The following CACNA1E variants were observed in gnomAD, a reference collection of about 807,000 sequenced individuals.
CACNA1E encodes the protein voltage-dependent R-type calcium channel subunit alpha-1E.
A neutral mutation model predicts 259.2 loss-of-function variants in CACNA1E; 40 were observed. The observed-to-expected ratio is 0.15, with a 90% confidence interval of 0.12 to 0.20. The LOEUF is 0.20. CACNA1E is among the 10% of genes least tolerant of loss of function. The pLI is 1.00. For synonymous variants in CACNA1E, 1,104 were observed against 1,138.5 expected (o/e 0.97, Z 0.61); for missense variants, 1,874 against 3,040.1 (o/e 0.62, Z 9.02).
At chr1:181,409,738 C>A (rs1657715650) in intron 1 of CACNA1E, among the ~76,000 whole-genome samples, 1 of 152,042 alleles carries the variant, frequency 6.6e-6, no homozygotes, top group Non-Finnish European at 1.5e-5. Flanking sequence ...GGGCAACAGA[C>A]CCTCCTGGTG....
At chr1:181,385,132 A>C (rs2102012048) in intron 1 of CACNA1E, among the ~76,000 whole-genome samples, 1 of 152,290 alleles carries the variant, frequency 6.6e-6, no homozygotes, top group South Asian at 2.1e-4. Context: ...GTCTCAGCAG[A>C]GAAAGACACT....
At chr1:181,408,700 A>G (rs1206501093) in intron 1 of CACNA1E, among the ~76,000 whole-genome samples, 1 of 152,174 alleles carries the variant, frequency 6.6e-6, no homozygotes, top group East Asian at 1.9e-4. Flanking sequence ...ATAATTTAAA[A>G]TCACACCCTC....
rs115679171 is a variant in CACNA1E, at chr1:181,652,352, T to C, written c.1055+911T>C. 1.2e-3 allele frequency among the ~76,000 whole-genome samples: 179 copies of C among 152,360 alleles called. 1 individual carries two copies. The highest frequency in any genetic ancestry group is 4.0e-3 in the African/African-American group (167 of 41,592). ...GGCATACGTTCTTCAAATGAAAATT[T>C]ATAAGGTGGCACTTCTGTTTAAACA... On this transcript the variant is annotated intron_variant, in intron 7 of 47. Coordinates refer to ENST00000367573, the MANE Select transcript of CACNA1E (RefSeq NM_001205293.3).
chr1:181,572,166 A>T (rs1034475616), intron 3 of CACNA1E, among the ~76,000 whole-genome samples: 1 of 152,194 alleles, frequency 6.6e-6, no homozygotes, highest in African/African-American at 2.4e-5. Context: ...AAAAGATATT[A>T]TAGACCTGGA....
At chr1:181,363,787 A>G (rs1654064956) in intron 1 of CACNA1E, among the ~76,000 whole-genome samples, 1 of 152,242 alleles carries the variant, frequency 6.6e-6, no homozygotes, top group Admixed American at 6.5e-5. Context: ...GCCAGCCATC[A>G]GAAACAAGGC....
At position 181,798,077 on chromosome 1, in the gene CACNA1E, T is replaced by C. The variant is rs1272356526; in HGVS notation, c.6400-215T>C. Among the ~76,000 whole-genome samples the C allele has an allele frequency of 6.6e-6, 1 of 152,162 alleles. No homozygotes were observed. The highest frequency in any genetic ancestry group is 2.4e-5 in the African/African-American group (1 of 41,450). ...GCAGTTTAACCAGATCCCCAGAGGTTTGTATGCACAAAGTCTGAGATGTCC... is the reference window on the plus strand; with the variant it reads ...GCAGTTTAACCAGATCCCCAGAGGTCTGTATGCACAAAGTCTGAGATGTCC... On this transcript the variant is annotated intron_variant, in intron 47 of 47. Coordinates refer to ENST00000367573, the MANE Select transcript of CACNA1E (RefSeq NM_001205293.3). This position sits in a 1 kb window ranked among gnomAD's most constrained non-coding sequence, Gnocchi z 4.2.
At chr1:181,636,244 G>A (rs1257125909) in intron 6 of CACNA1E, among the ~76,000 whole-genome samples, 1 of 152,070 alleles carries the variant, frequency 6.6e-6, no homozygotes, top group Non-Finnish European at 1.5e-5. Flanking sequence ...GACTGCTAGG[G>A]ATATAGTCCT....
intron 6 of CACNA1E, among the ~76,000 whole-genome samples, chr1:181,620,009 G>A (rs1160010544): frequency 1.3e-5 from 2 of 152,096 alleles, no homozygotes; most frequent in East Asian, 1.9e-4. Flanking sequence ...GAAGTTTGTG[G>A]TGAAAAAATA....
intron 2 of CACNA1E, among the ~76,000 whole-genome samples, chr1:181,451,944 G>T (rs994088719): frequency 1.3e-5 from 2 of 152,212 alleles, no homozygotes; most frequent in Non-Finnish European, 2.9e-5. Context: ...TGACAAGGTT[G>T]CTGCCCTCAA....
intron 6 of CACNA1E, among the ~76,000 whole-genome samples, chr1:181,605,273 G>A (rs543889841): frequency 2.7e-4 from 34 of 125,188 alleles, no homozygotes; most frequent in South Asian, 5.5e-4. Context: ...GCAGTGAATG[G>A]ACCACATGCA....
intron 7 of CACNA1E, among the ~76,000 whole-genome samples, chr1:181,696,101 C>T (rs1021873445): frequency 6.6e-6 from 1 of 152,056 alleles, no homozygotes; most frequent in Non-Finnish European, 1.5e-5. Context: ...GAAATCAAAA[C>T]AATTAATAAG....
At chr1:181,468,096 A>G (rs1662264103) in intron 2 of CACNA1E, among the ~76,000 whole-genome samples, 2 of 152,232 alleles carry the variant, frequency 1.3e-5, no homozygotes, top group African/African-American at 4.8e-5. Flanking sequence ...TGGCTAGATT[A>G]GGTTATTACC....
intron 1 of CACNA1E, among the ~76,000 whole-genome samples, chr1:181,355,126 G>A (rs1052473547): frequency 1.3e-5 from 2 of 152,168 alleles, no homozygotes; most frequent in Non-Finnish European, 2.9e-5. Context: ...AGCCAGGCGG[G>A]GCCCGTCTGC....
chr1:181,473,878 T>C (rs633125), intron 2 of CACNA1E, among the ~76,000 whole-genome samples: 81,563 of 152,134 alleles, frequency 0.54, 22,774 homozygotes, highest in African/African-American at 0.69. Flanking sequence ...GTTACTTAGT[T>C]CCTTTCAGTC....
At chr1:181,596,553 T>C (rs1349743498) in intron 6 of CACNA1E, among the ~76,000 whole-genome samples, 1 of 124,348 alleles carries the variant, frequency 8.0e-6, no homozygotes, top group Non-Finnish European at 1.7e-5. Flanking sequence ...CCACCCACCA[T>C]GTACGTGTGT....
chr1:181,329,272 G>C (rs188058799), intron 1 of CACNA1E, among the ~76,000 whole-genome samples: 1 of 151,882 alleles, frequency 6.6e-6, no homozygotes, highest in African/African-American at 2.4e-5. Flanking sequence ...CTCTCCCTTG[G>C]ACAACCACAA....
intron 32 of CACNA1E, among the ~76,000 whole-genome samples, chr1:181,759,513 TCTC>T (rs1312506816): frequency 1.3e-5 from 2 of 151,940 alleles, no homozygotes; most frequent in African/African-American, 2.4e-5. Context: ...TCTTTTTTCT[TCTC>T]CTCAACTACT....
intron 1 of CACNA1E, among the ~76,000 whole-genome samples, chr1:181,397,985 G>A (rs193060151): frequency 6.6e-5 from 10 of 152,328 alleles, no homozygotes; most frequent in Non-Finnish European, 1.0e-4. Flanking sequence ...AAATCAATTA[G>A]CCAGCCTGCT....
At chr1:181,779,887 T>C (rs1660279996) in intron 38 of CACNA1E, among the ~76,000 whole-genome samples, 1 of 151,702 alleles carries the variant, frequency 6.6e-6, no homozygotes, top group Non-Finnish European at 1.5e-5. Context: ...CAGAGGGACC[T>C]CTCCTTTCTC....
Sources: allele counts gnomAD v4.1 joint callset (sites outside exome capture counted in the v4.1 genomes callset), GRCh38; gene constraint gnomAD v4.1.1; non-coding constraint Gnocchi (gnomAD v3.1); transcripts MANE v1.5; gene names NCBI Gene and HGNC (gene_info 2026-07-23, HGNC 2026-07-21).